NSMAF: variants seen among roughly 807,000 people sequenced by gnomAD.
NSMAF encodes neutral sphingomyelinase activation associated factor, also known as protein FAN.
A neutral mutation model predicts 134.9 loss-of-function variants in NSMAF; 90 were observed. That is an observed-to-expected ratio of 0.67 (90% confidence interval 0.56 to 0.79). The LOEUF (loss-of-function observed/expected upper bound fraction) is 0.79. Ranked by LOEUF, NSMAF falls within the 30% of genes least tolerant of loss-of-function variation. The pLI is 0.00. For missense variants in NSMAF, 1,010 were observed against 1,119.0 expected (o/e 0.90, Z 1.39); for synonymous variants, 358 against 389.6 (o/e 0.92, Z 0.96).
chr8:58,635,177 T>C lies in NSMAF; in HGVS notation c.333+12A>G, dbSNP rs1807141637. 2.5e-6 allele frequency: 4 copies of C among 1,600,130 alleles called. No homozygotes were observed. The highest frequency in any genetic ancestry group is 3.4e-6 in the Non-Finnish European group (4 of 1,170,002). ...CATTCAGATTAGGAAAAAATATTTA[T>C]TATGTGCTTACCTGACTGAAAATGA... On this transcript the variant is annotated intron_variant, in intron 5 of 30. Coordinates refer to ENST00000038176, the MANE Select transcript of NSMAF (RefSeq NM_003580.4).
chr8:58,590,793 G>A lies in NSMAF; in HGVS notation c.2019+74C>T, dbSNP rs1047597243. 7 of 1,373,652 alleles carry A rather than the reference G, an allele frequency of 5.1e-6. No individual in the cohort carries two copies. The Admixed American group carries it at 1.6e-4, about 31-fold the overall frequency. 85.1% of individuals were successfully genotyped at this position (1,373,652 alleles called of 1,614,324 possible). Reference sequence around the variant, plus strand: ...ACTCAATTGTTTTGGGAGAAATAAAGTATTATTGTATGGGTGTGTATAAAA... The same window carrying A: ...ACTCAATTGTTTTGGGAGAAATAAAATATTATTGTATGGGTGTGTATAAAA... On this transcript the variant is annotated intron_variant, in intron 24 of 30. Transcript: ENST00000038176.
chr8:58,607,067 T>C (rs1806425834), intron 11 of NSMAF, among the ~76,000 whole-genome samples: 1 of 152,196 alleles, frequency 6.6e-6, no homozygotes, highest in African/African-American at 2.4e-5. Context: ...ATTTCACAAA[T>C]TAAAAGCACA....
intron 9 of NSMAF, among the ~76,000 whole-genome samples, chr8:58,614,331 T>C (rs1335405832): frequency 6.6e-6 from 1 of 152,274 alleles, no homozygotes; most frequent in East Asian, 1.9e-4. Flanking sequence ...TTTTCCTTTG[T>C]TTTATGGAAT....
Position 58,599,295 on chromosome 8 carries a change from C to T in NSMAF, c.1522G>A (p.Glu508Lys), listed in dbSNP as rs749907168. ...ESNYVSEHLH[E>K]WIDLIFGYKQ... Reference sequence around the variant, plus strand: ...TAGCCAAATATTAGATCAATCCACTCGTGAAGGTGTTCAGACACATAATTG... The same window carrying T: ...TAGCCAAATATTAGATCAATCCACTTGTGAAGGTGTTCAGACACATAATTG... Residue 508 changes from glutamate (E) to lysine (K), a missense_variant, in exon 19 of 31, where the codon GAG (glutamate) becomes AAG (lysine). Transcript: ENST00000038176. The T allele has an allele frequency of 4.3e-6, 7 of 1,613,888 alleles. No individual in the cohort carries two copies. The highest frequency in any genetic ancestry group is 2.7e-5 in the African/African-American group (2 of 74,922).
Position 58,606,060 on chromosome 8 carries a change from AAAAT to A in NSMAF, c.760-29_760-26del, listed in dbSNP as rs775208323. 96 of 1,518,622 alleles carry A rather than the reference AAAAT, an allele frequency of 6.3e-5. 1 individual carries two copies. The highest frequency in any genetic ancestry group is 8.3e-5 in the Non-Finnish European group (94 of 1,126,324). The allele number at this position is 1,518,622 out of a possible 1,614,324, so 94.1% of individuals were successfully genotyped here. ...CCTATAAATTCAAAAAGAAAATAAT[AAAAT>A]AAATAGCATTGTATTCATCTTGCAA... On this transcript the variant is annotated intron_variant, in intron 11 of 30. Transcript: ENST00000038176.
chr8:58,640,503 G>C (rs567279245), intron 2 of NSMAF, among the ~76,000 whole-genome samples: 1 of 152,016 alleles, frequency 6.6e-6, no homozygotes, highest in South Asian at 2.1e-4. Context: ...GTATAAAATA[G>C]TTTCAAAATA....
At chr8:58,612,277 C>T (rs953384139) in intron 9 of NSMAF, among the ~76,000 whole-genome samples, 1 of 152,092 alleles carries the variant, frequency 6.6e-6, no homozygotes, top group Non-Finnish European at 1.5e-5. Context: ...TTTGACTATG[C>T]CTATGTGACG....
chr8:58,605,714 T>G (rs1222101484), intron 12 of NSMAF, among the ~76,000 whole-genome samples: 1 of 151,746 alleles, frequency 6.6e-6, no homozygotes, highest in Admixed American at 6.6e-5. Context: ...CTGTCTCTAC[T>G]AAAAATACAA....
At chr8:58,638,716 G>A (rs1021429435) in intron 2 of NSMAF, among the ~76,000 whole-genome samples, 7 of 152,170 alleles carry the variant, frequency 4.6e-5, no homozygotes, top group African/African-American at 1.7e-4. Context: ...ATTGGTCTGG[G>A]CAGTATTTTG....
chr8:58,630,986 T>C (rs1245333408), intron 6 of NSMAF, among the ~76,000 whole-genome samples: 1 of 152,148 alleles, frequency 6.6e-6, no homozygotes, highest in Non-Finnish European at 1.5e-5. Context: ...GCATAAAGAA[T>C]TAAATTACAG....
intron 1 of NSMAF, among the ~76,000 whole-genome samples, chr8:58,657,283 A>AT (rs1395353113): frequency 6.6e-6 from 1 of 152,230 alleles, no homozygotes; most frequent in Non-Finnish European, 1.5e-5. Context: ...TCTGGGGTCA[A>AT]TATTTGGTAG....
At chr8:58,598,927 G>A (rs1384405259) in intron 19 of NSMAF, among the ~76,000 whole-genome samples, 1 of 152,182 alleles carries the variant, frequency 6.6e-6, no homozygotes, top group African/African-American at 2.4e-5. Flanking sequence ...TCGGGAGGCT[G>A]AGGCAGTAGA....
intron 2 of NSMAF, among the ~76,000 whole-genome samples, chr8:58,638,746 G>A (rs1479798500): frequency 6.6e-6 from 1 of 152,054 alleles, no homozygotes; most frequent in Non-Finnish European, 1.5e-5. Context: ...AAAAGCACAG[G>A]CAATATAAGC....
rs10111180 is a variant in NSMAF at position 58,599,197 on chromosome 8, C to G, written c.1585+35G>C. 3 of 1,579,262 alleles carry G rather than the reference C, an allele frequency of 1.9e-6. No homozygotes were observed. In the Admixed American group the frequency reaches 5.4e-5, roughly 28 times the overall value. ...AAATGAATAATGCTAAATATTCACC[C>G]AATGCTAAATAAAATTTCAATGAAT... On this transcript the variant is annotated intron_variant, in intron 19 of 30. Coordinates refer to ENST00000038176, the MANE Select transcript of NSMAF (RefSeq NM_003580.4).
chr8:58,659,018 T>C (rs1009937225), intron 1 of NSMAF, among the ~76,000 whole-genome samples: 2 of 152,150 alleles, frequency 1.3e-5, no homozygotes, highest in African/African-American at 2.4e-5. Context: ...TTCCAGGGCA[T>C]GGAGCTAGTC....
In NSMAF at chr8:58,604,742, TTTTG is replaced by T. The variant is rs1207947269; in HGVS notation, c.868+1181_868+1184del. On this transcript the variant is annotated intron_variant, in intron 12 of 30. Coordinates refer to ENST00000038176, the MANE Select transcript of NSMAF (RefSeq NM_003580.4). ...ATATTAATAAAATCCCAATATCCTT[TTTTG>T]TTTGTTTGTTTTTTTGAGACAGGGT... is the stretch of plus-strand genomic sequence containing the variant. Among the ~76,000 whole-genome samples, 11 of 152,094 alleles carry T rather than the reference TTTTG, an allele frequency of 7.2e-5. No individual in the cohort carries two copies. In the East Asian group the frequency reaches 7.7e-4, roughly 11 times the overall value.
intron 6 of NSMAF, 148 bp downstream of exon 6, chr8:58,631,348 T>C (rs1021512259): frequency 9.1e-5 from 39 of 428,548 alleles, no homozygotes; most frequent in Non-Finnish European, 1.5e-4. Flanking sequence ...TGTGGCTCCC[T>C]TGGGTAATTT....
rs755000134 is a variant in NSMAF, at chr8:58,587,673, G to A, written c.2240C>T (p.Pro747Leu). The stretch of plus-strand genomic sequence containing the variant: ...GTCAAAGTGGTGTCTTTTGGTGCCT[G>A]GCATCTCTGCAGGAACACCAGACCA... Reference protein sequence around the residue: ...KVWSGVPAEMPGTKRHHFDLL... With the variant: ...KVWSGVPAEMLGTKRHHFDLL... The change falls in exon 27 of 31, where the codon CCA (proline) becomes CTA (leucine). Residue 747 changes from proline (P) to leucine (L), a missense_variant. Physicochemically the swap from Pro to Leu is moderately conservative, Grantham distance 98 (BLOSUM62 -3). Transcript: ENST00000038176. 1.9e-6 allele frequency: 3 copies of A among 1,613,912 alleles called. No homozygotes were observed. The African/African-American group carries it at 4.0e-5, about 22-fold the overall frequency.
intron 1 of NSMAF, among the ~76,000 whole-genome samples, chr8:58,656,564 C>T (rs1026488423): frequency 1.8e-4 from 27 of 152,066 alleles, no homozygotes; most frequent in Admixed American, 1.2e-3. Flanking sequence ...CGGTGGCTCA[C>T]GCCTGTAATC....
Sources: allele counts gnomAD v4.1 joint callset (sites outside exome capture counted in the v4.1 genomes callset), GRCh38; gene constraint gnomAD v4.1.1; transcripts MANE v1.5; gene names NCBI Gene and HGNC (gene_info 2026-07-23, HGNC 2026-07-21).